TCF12: variants seen among roughly 807,000 people sequenced by gnomAD.
TCF12 encodes transcription factor 12.
A neutral mutation model predicts 86.0 loss-of-function variants in TCF12; 45 were observed. That is an observed-to-expected ratio of 0.52 (90% CI 0.41 to 0.67). The LOEUF (loss-of-function observed/expected upper bound fraction) is 0.67, where lower values mean the gene tolerates loss of function less well. TCF12 is among the 30% of genes least tolerant of loss of function. The pLI, the probability that TCF12 is intolerant of heterozygous loss-of-function variation, is 0.00. For synonymous variants in TCF12, 330 were observed against 299.6 expected (o/e 1.10, Z -1.05); for missense variants, 881 against 859.9 (o/e 1.02, Z -0.31).
At chr15:57,258,199 TGAGCCA>T (rs2060436414) in intron 16 of TCF12, among the ~76,000 whole-genome samples, 1 of 152,184 alleles carries the variant, frequency 6.6e-6, no homozygotes, top group East Asian at 1.9e-4. Context: ...GAGGATCACT[TGAGCCA>T]GGAGTTCAAG....
intron 3 of TCF12, among the ~76,000 whole-genome samples, chr15:57,010,585 T>C (rs894626338): frequency 1.3e-5 from 2 of 152,198 alleles, no homozygotes; most frequent in Non-Finnish European, 2.9e-5. Context: ...TGATCTCTTT[T>C]GTAGGAGGTA....
intron 3 of TCF12, among the ~76,000 whole-genome samples, chr15:56,938,035 C>T (rs1321559919): frequency 0.051 from 2,035 of 39,602 alleles, no homozygotes; most frequent in Middle Eastern, 0.11. Context: ...TTTTTTTTTT[C>T]GTTTCTTTTC....
At chr15:57,101,352 G>C (rs2049732928) in intron 5 of TCF12, among the ~76,000 whole-genome samples, 1 of 152,032 alleles carries the variant, frequency 6.6e-6, no homozygotes, top group South Asian at 2.1e-4. Context: ...CTACAGGTGT[G>C]TGCCACCACA....
At chr15:57,103,727 T>C (rs2049920568) in intron 5 of TCF12, among the ~76,000 whole-genome samples, 1 of 152,180 alleles carries the variant, frequency 6.6e-6, no homozygotes, top group Non-Finnish European at 1.5e-5. Context: ...AATATGGTCA[T>C]ATGATGGATA....
chr15:57,001,565 C>T (rs1217857962), intron 3 of TCF12, among the ~76,000 whole-genome samples: 1 of 152,274 alleles, frequency 6.6e-6, no homozygotes, highest in South Asian at 2.1e-4. Flanking sequence ...AGTTTCTTTT[C>T]ATTTAAAATA....
At chr15:57,127,494 T>C (rs528584909) in intron 5 of TCF12, among the ~76,000 whole-genome samples, 5 of 152,286 alleles carry the variant, frequency 3.3e-5, no homozygotes, top group East Asian at 3.9e-4. Flanking sequence ...ACCGTTTATA[T>C]AGAAAATTTT....
chr15:57,237,315 A>G (rs1272406363), intron 12 of TCF12, among the ~76,000 whole-genome samples: 2 of 152,204 alleles, frequency 1.3e-5, no homozygotes, highest in Non-Finnish European at 2.9e-5. Flanking sequence ...CATAATAAAG[A>G]TTAACTGAAA....
chr15:57,001,127 C>T (rs1269359317), intron 3 of TCF12, among the ~76,000 whole-genome samples: 5 of 151,326 alleles, frequency 3.3e-5, no homozygotes, highest in Non-Finnish European at 7.4e-5. Context: ...AGTGATTCTC[C>T]TATCTCAGCC....
chr15:57,267,103 C>A (rs2060906367), intron 18 of TCF12, among the ~76,000 whole-genome samples: 1 of 152,184 alleles, frequency 6.6e-6, no homozygotes, highest in Non-Finnish European at 1.5e-5. Flanking sequence ...TATTTCTTGG[C>A]ATACATATTC....
intron 3 of TCF12, among the ~76,000 whole-genome samples, chr15:56,965,992 T>G (rs533517330): frequency 6.6e-6 from 1 of 152,288 alleles, no homozygotes; most frequent in Admixed American, 6.5e-5. Context: ...ACCAAATATA[T>G]AGTTTTACAG....
At chr15:56,965,821 A>G (rs1207320434) in intron 3 of TCF12, among the ~76,000 whole-genome samples, 1 of 152,170 alleles carries the variant, frequency 6.6e-6, no homozygotes, top group African/African-American at 2.4e-5. Flanking sequence ...ATGATGGGAA[A>G]TGGTTTGATG....
intron 4 of TCF12, among the ~76,000 whole-genome samples, chr15:57,075,832 C>CCTTCCTT: frequency 1.8e-5 from 1 of 56,084 alleles, no homozygotes; most frequent in East Asian, 8.8e-4. Context: ...CTCTCTCTCT[C>CCTTCCTT]TCTTTTCTTT....
chr15:56,948,464 A>C (rs1476516469), intron 3 of TCF12, among the ~76,000 whole-genome samples: 2 of 152,228 alleles, frequency 1.3e-5, no homozygotes, highest in Non-Finnish European at 2.9e-5. Flanking sequence ...TCTTTGAAGA[A>C]TTTAGTATGT....
At chr15:56,975,402 G>A (rs1184030549) in intron 3 of TCF12, among the ~76,000 whole-genome samples, 3 of 152,068 alleles carry the variant, frequency 2.0e-5, no homozygotes, top group African/African-American at 7.2e-5. Context: ...CTATACAATG[G>A]CATTCCTGTA....
chr15:57,230,237 A>G (rs1375433325), intron 8 of TCF12, among the ~76,000 whole-genome samples: 2 of 151,936 alleles, frequency 1.3e-5, no homozygotes, highest in African/African-American at 4.8e-5. Flanking sequence ...AATTTTTTGT[A>G]TCATTTCAAA....
At chr15:57,275,422 A>G (rs1422459800) in intron 19 of TCF12, among the ~76,000 whole-genome samples, 4 of 19,574 alleles carry the variant, frequency 2.0e-4, no homozygotes, top group African/African-American at 1.3e-3. Context: ...CCTGGCCTCA[A>G]GCGTCTATAG....
intron 5 of TCF12, among the ~76,000 whole-genome samples, chr15:57,098,009 C>CAAAAAAAAAAAAAAAAAAA (rs72046243): frequency 4.1e-5 from 2 of 48,410 alleles, no homozygotes; most frequent in Non-Finnish European, 7.1e-5. Flanking sequence ...TACAAAAATA[C>CAAAAAAAAAAAAAAAAAAA]AAAAAAAAAA....
At chr15:57,239,183 C>T (rs886141294) in intron 12 of TCF12, among the ~76,000 whole-genome samples, 1 of 151,786 alleles carries the variant, frequency 6.6e-6, no homozygotes, top group Non-Finnish European at 1.5e-5. Context: ...GAAACCCCGT[C>T]TCTACTAAAA....
intron 3 of TCF12, among the ~76,000 whole-genome samples, chr15:57,010,477 T>G (rs1224645533): frequency 6.6e-6 from 1 of 152,072 alleles, no homozygotes. Context: ...AGTACCGATA[T>G]GACAAAGAGT....
Sources: gnomAD v4.1 joint callset for allele counts (sites outside exome capture counted in the v4.1 genomes callset) on GRCh38, gnomAD v4.1.1 for gene constraint, MANE v1.5 for transcripts, NCBI Gene and HGNC (gene_info 2026-07-23, HGNC 2026-07-21) for gene names.